SPMIP2: variants seen among roughly 807,000 people sequenced by gnomAD.
The protein encoded by SPMIP2 is protein SPMIP2.
the SPMIP2 span, among the ~76,000 whole-genome samples, chr4:159,076,904 C>T: frequency 2.0e-5 from 3 of 151,438 alleles, no homozygotes; most frequent in South Asian, 2.1e-4. Flanking sequence ...GGTGCCGTCT[C>T]GGCTCACTGC....
At chr4:159,039,219 G>T in the SPMIP2 span, among the ~76,000 whole-genome samples, 1 of 152,242 alleles carries the variant, frequency 6.6e-6, no homozygotes, top group African/African-American at 2.4e-5. Context: ...AATTACAGGC[G>T]TGAGCCACCA....
chr4:159,030,360 C>T, the SPMIP2 span, among the ~76,000 whole-genome samples: 1 of 152,006 alleles, frequency 6.6e-6, no homozygotes, highest in South Asian at 2.1e-4. Context: ...CTGCAGTAAG[C>T]CATAATCGTG....
At chr4:159,076,690 T>TA in the SPMIP2 span, among the ~76,000 whole-genome samples, 1 of 152,156 alleles carries the variant, frequency 6.6e-6, no homozygotes, top group Non-Finnish European at 1.5e-5. Flanking sequence ...TCTTTAGAGA[T>TA]AGAGTCTTGC....
chr4:158,938,060 C>T, the SPMIP2 span, among the ~76,000 whole-genome samples: 1 of 152,294 alleles, frequency 6.6e-6, no homozygotes, highest in African/African-American at 2.4e-5. Flanking sequence ...ATGGACAAAA[C>T]TATTTTGCAA....
At chr4:158,918,258 G>A in the SPMIP2 span, among the ~76,000 whole-genome samples, 107,411 of 151,988 alleles carry the variant, frequency 0.71, 38,712 homozygotes, top group East Asian at 0.95. Flanking sequence ...CTTCCCTCCC[G>A]CTCCCTTCAC....
the SPMIP2 span, among the ~76,000 whole-genome samples, chr4:158,932,015 C>G: frequency 6.6e-6 from 1 of 152,162 alleles, no homozygotes; most frequent in African/African-American, 2.4e-5. Context: ...CTGAGCCGAG[C>G]ATGGTGGCTC....
chr4:159,072,591 C>A, the SPMIP2 span, among the ~76,000 whole-genome samples: 1 of 151,272 alleles, frequency 6.6e-6, no homozygotes, highest in Non-Finnish European at 1.5e-5. Context: ...GCTCCCCGAG[C>A]AGCTCAGATT....
At chr4:159,005,834 G>A in the SPMIP2 span, among the ~76,000 whole-genome samples, 2 of 152,008 alleles carry the variant, frequency 1.3e-5, no homozygotes, top group Non-Finnish European at 2.9e-5. Flanking sequence ...GTGCAATCTC[G>A]GCTCACTGTA....
At chr4:159,026,347 A>G in the SPMIP2 span, 401 of 675,106 alleles carry the variant, frequency 5.9e-4, 8 homozygotes, top group East Asian at 9.3e-3. Context: ...TGAAGAAACT[A>G]CAGCTCATAG....
chr4:159,021,782 G>T, the SPMIP2 span, among the ~76,000 whole-genome samples: 1 of 152,192 alleles, frequency 6.6e-6, no homozygotes, highest in African/African-American at 2.4e-5. Context: ...GGAATGGATT[G>T]TTTTGTATCC....
chr4:159,053,833 AAT>A, the SPMIP2 span, among the ~76,000 whole-genome samples: 2 of 152,142 alleles, frequency 1.3e-5, no homozygotes, highest in East Asian at 3.9e-4. Context: ...TCATACCTGT[AAT>A]CTCAGCACTT....
the SPMIP2 span, among the ~76,000 whole-genome samples, chr4:158,954,383 G>A: frequency 3.9e-5 from 6 of 152,008 alleles, no homozygotes; most frequent in Non-Finnish European, 7.4e-5. Flanking sequence ...ATGATTCTGA[G>A]GCCTCCCCAG....
At chr4:158,964,931 C>T in the SPMIP2 span, among the ~76,000 whole-genome samples, 53 of 152,182 alleles carry the variant, frequency 3.5e-4, no homozygotes, top group African/African-American at 1.2e-3. Context: ...CACAATCCAA[C>T]TACCTCCCAC....
chr4:158,971,867 G>C, the SPMIP2 span, among the ~76,000 whole-genome samples: 2 of 152,194 alleles, frequency 1.3e-5, no homozygotes, highest in African/African-American at 4.8e-5. Context: ...TACACAGCTA[G>C]TAGGTGGCAG....
chr4:158,908,986 C>G, the SPMIP2 span, among the ~76,000 whole-genome samples: 1 of 152,084 alleles, frequency 6.6e-6, no homozygotes, highest in African/African-American at 2.4e-5. Context: ...CTGTGCCTGG[C>G]CAACTTCATT....
chr4:159,052,960 T>A, the SPMIP2 span, among the ~76,000 whole-genome samples: 17,843 of 134,678 alleles, frequency 0.13, 1,456 homozygotes, highest in East Asian at 0.44. Context: ...TTATTATTTT[T>A]TTTTTTTTTT....
the SPMIP2 span, among the ~76,000 whole-genome samples, chr4:158,975,625 T>A: frequency 6.6e-6 from 1 of 152,218 alleles, no homozygotes; most frequent in Non-Finnish European, 1.5e-5. Context: ...GTGGTGTTAT[T>A]TCTGAGGCCT....
At chr4:159,032,410 T>C in the SPMIP2 span, among the ~76,000 whole-genome samples, 28 of 152,194 alleles carry the variant, frequency 1.8e-4, no homozygotes, top group Admixed American at 1.8e-3. Flanking sequence ...CATACAAATT[T>C]GTAACAGTAA....
chr4:159,073,772 C>T, the SPMIP2 span, among the ~76,000 whole-genome samples: 12 of 152,038 alleles, frequency 7.9e-5, no homozygotes, highest in African/African-American at 1.9e-4. Context: ...GAGGCTAGGG[C>T]GGGAGGATCA....
Sources: allele counts gnomAD v4.1 joint callset (sites outside exome capture counted in the v4.1 genomes callset), GRCh38; gene constraint gnomAD v4.1.1; transcripts MANE v1.5; gene names NCBI Gene and HGNC (gene_info 2026-07-23, HGNC 2026-07-21).